COL5A1: variants seen among roughly 807,000 people sequenced by gnomAD.
The protein encoded by COL5A1 is collagen alpha-1(V) chain.
In COL5A1, 16 loss-of-function variants were observed where a neutral mutation model predicts 263.7. The observed-to-expected ratio is 0.06, with a 90% confidence interval of 0.04 to 0.09. The LOEUF (loss-of-function observed/expected upper bound fraction) is 0.09. Ranked by LOEUF, COL5A1 falls within the 10% of genes least tolerant of loss-of-function variation. The pLI is 1.00. For missense variants in COL5A1, 2,036 were observed against 2,540.5 expected, an observed-to-expected ratio of 0.80 and a Z score of 4.27; for synonymous variants, 1,012 against 1,004.5, an observed-to-expected ratio of 1.01 and a Z score of -0.14.
intron 1 of COL5A1, among the ~76,000 whole-genome samples, chr9:134,654,655 C>T (rs1251935573): frequency 2.2e-5 from 2 of 90,070 alleles, no homozygotes; most frequent in Non-Finnish European, 4.3e-5. Context: ...GTGTGTAGGG[C>T]TGGTGTGTGT....
In COL5A1 at chr9:134,660,964, C is replaced by T. The variant is rs566182032; in HGVS notation, c.109+18668C>T. Among the ~76,000 whole-genome samples, 47 of 152,222 alleles carry T rather than the reference C, an allele frequency of 3.1e-4. 1 individual carries two copies. The highest frequency in any genetic ancestry group is 5.9e-5 in the Non-Finnish European group (4 of 68,028). ...AGAATTGCTATGTTTTGAAGTAGCT[C>T]TCTGAAGTGGGGTGGAGAGCAGATG... On this transcript the variant is annotated intron_variant, in intron 1 of 65. Coordinates refer to ENST00000371817, the MANE Select transcript of COL5A1 (RefSeq NM_000093.5).
In COL5A1 at chr9:134,835,309, G is replaced by A. The variant is rs562347655; in HGVS notation, c.5370+105G>A. 2.8e-5 allele frequency: 29 copies of A among 1,037,046 alleles called. No homozygotes were observed. The East Asian group carries it at 7.0e-4, about 25-fold the overall frequency. 64.2% of individuals were successfully genotyped at this position (1,037,046 alleles called of 1,614,324 possible). A position where few individuals can be genotyped will look rare whatever the true frequency, so the allele number is the denominator to read the frequency against. On this transcript the variant is annotated intron_variant, in intron 65 of 65. Transcript: ENST00000371817. ...TCCCCAAGATGCCTGCCAGAGGGCA[G>A]TGAGGGCCCCGGACCAGACTCTCGC... is the stretch of plus-strand genomic sequence containing the variant.
In COL5A1 at chr9:134,842,345, C is replaced by G. The variant is rs374547961; in HGVS notation, c.*42C>G. 1,020 of 1,611,808 alleles carry G rather than the reference C, an allele frequency of 6.3e-4. No individual in the cohort carries two copies. The highest frequency in any genetic ancestry group is 8.1e-4 in the Non-Finnish European group (956 of 1,179,188). ...GCTCCCGAGAGCAACCTCGTGACCT[C>G]AGCATGCCATTCGTTCGTGAGTGTC... On this transcript the variant is annotated 3_prime_UTR_variant, in exon 66 of 66. Transcript: ENST00000371817. The surrounding 1 kb of genome is among the most constrained non-coding windows in gnomAD (Gnocchi z 5.8).
intron 4 of COL5A1, among the ~76,000 whole-genome samples, chr9:134,718,257 GGCC>G: frequency 6.6e-6 from 1 of 152,362 alleles, no homozygotes; most frequent in Middle Eastern, 3.4e-3. Context: ...CGTCGAACGT[GGCC>G]GCCAACTGTG....
intron 64 of COL5A1, among the ~76,000 whole-genome samples, chr9:134,833,764 C>G (rs1839742759): frequency 6.6e-6 from 1 of 152,362 alleles, no homozygotes; most frequent in African/African-American, 2.4e-5. Context: ...CACAGTCTCC[C>G]TGGCCAGGGC....
In COL5A1 at chr9:134,806,090, A is replaced by T. The variant is rs78713145; in HGVS notation, c.3259-99A>T. The T allele has an allele frequency of 8.3e-3, 7,273 of 877,184 alleles. 37 individuals carry two copies. Among genetic ancestry groups the T allele is most frequent in the Middle Eastern group, 0.015 (58 of 3,832 alleles). 54.3% of individuals were successfully genotyped at this position (877,184 alleles called of 1,614,324 possible). ...CATAGGGAGCCACTGTGGGCTCTAGAGTGAGCAGGTAAGTGGAGTGATCAG... is the reference window on the plus strand; with the variant it reads ...CATAGGGAGCCACTGTGGGCTCTAGTGTGAGCAGGTAAGTGGAGTGATCAG... On this transcript the variant is annotated intron_variant, in intron 41 of 65. Coordinates refer to ENST00000371817, the MANE Select transcript of COL5A1 (RefSeq NM_000093.5).
At chr9:134,646,433 G>T (rs1029932415) in intron 1 of COL5A1, among the ~76,000 whole-genome samples, 3 of 152,004 alleles carry the variant, frequency 2.0e-5, no homozygotes, top group African/African-American at 4.8e-5. Context: ...TCCACCTCTG[G>T]CTTTAATCTT....
Position 134,696,164 on chromosome 9 carries a change from A to G in COL5A1, c.278-3745A>G, listed in dbSNP as rs1833455698. On this transcript the variant is annotated intron_variant, in intron 2 of 65. Transcript: ENST00000371817. This position sits in a 1 kb window ranked among gnomAD's most constrained non-coding sequence, Gnocchi z 4.3. ...ACCCTGCCCCACTGCCCCCTGCATT[A>G]TTTGCAATTATTATTATTATTATTA... Among the ~76,000 whole-genome samples, 1 of 151,434 alleles carries G rather than the reference A, an allele frequency of 6.6e-6. No homozygotes were observed. Among genetic ancestry groups the G allele is most frequent in the Non-Finnish European group, 1.5e-5 (1 of 67,906 alleles).
In COL5A1 at chr9:134,655,083, GGTGTGTAGGGCTGGT is replaced by G. The variant is rs531717723; in HGVS notation, c.109+12802_109+12816del. ...AGGGCTGGAGGTGTGTAGGGCTAGG[GGTGTGTAGGGCTGGT>G]GTGTGTAGGGCTGGGGGTGTGTAGG... On this transcript the variant is annotated intron_variant, in intron 1 of 65. Coordinates refer to ENST00000371817, the MANE Select transcript of COL5A1 (RefSeq NM_000093.5). 1.3e-3 allele frequency among the ~76,000 whole-genome samples: 182 copies of G among 138,404 alleles called. 7 individuals carry two copies. In the South Asian group the frequency reaches 0.03, roughly 23 times the overall value. 90.8% of individuals were successfully genotyped at this position (138,404 alleles called of 152,430 possible). A position where few individuals can be genotyped will look rare whatever the true frequency, so the allele number is the denominator to read the frequency against.
intron 63 of COL5A1, among the ~76,000 whole-genome samples, chr9:134,828,249 C>T (rs1355827940): frequency 1.3e-5 from 2 of 152,170 alleles, no homozygotes; most frequent in East Asian, 3.9e-4. Context: ...TGAGGCCTGC[C>T]CTGCTGGGCC....
At chr9:134,687,451 CCAT>C (rs1178725459) in intron 1 of COL5A1, among the ~76,000 whole-genome samples, 1 of 149,594 alleles carries the variant, frequency 6.7e-6, no homozygotes, top group Non-Finnish European at 1.5e-5. Flanking sequence ...ATCCATCCAT[CCAT>C]CCATCATCCA....
At position 134,821,668 on chromosome 9, in the gene COL5A1, C is replaced by A. The variant is rs919638646; in HGVS notation, c.4555-429C>A. Reference sequence around the variant, plus strand: ...GACAGGACAGTCAGCATGGATGGGACTCCCTGCCCAACCCCTCCGGGCTTA... The same window carrying A: ...GACAGGACAGTCAGCATGGATGGGAATCCCTGCCCAACCCCTCCGGGCTTA... On this transcript the variant is annotated intron_variant, in intron 58 of 65. Coordinates refer to ENST00000371817, the MANE Select transcript of COL5A1 (RefSeq NM_000093.5). The surrounding 1 kb of genome is among the most constrained non-coding windows in gnomAD (Gnocchi z 4.2). Among the ~76,000 whole-genome samples the A allele has an allele frequency of 6.6e-6, 1 of 152,212 alleles. No homozygotes were observed. Among genetic ancestry groups the A allele is most frequent in the African/African-American group, 2.4e-5 (1 of 41,454 alleles).
At chr9:134,695,199 C>A (rs1833415269) in intron 2 of COL5A1, among the ~76,000 whole-genome samples, 1 of 152,194 alleles carries the variant, frequency 6.6e-6, no homozygotes, top group Non-Finnish European at 1.5e-5. Context: ...CTGAGATTTG[C>A]CTCCTACTCA....
At chr9:134,685,570 ATCCATCCATCCATCC>A (rs1833032229) in intron 1 of COL5A1, among the ~76,000 whole-genome samples, 1 of 131,664 alleles carries the variant, frequency 7.6e-6, no homozygotes, top group African/African-American at 2.9e-5. Flanking sequence ...CCATCTATTC[ATCCATCCATCCATCC>A]TCCATCCATC....
chr9:134,835,928 G>GC (rs1314698097), intron 65 of COL5A1, among the ~76,000 whole-genome samples: 3 of 152,178 alleles, frequency 2.0e-5, no homozygotes, highest in African/African-American at 7.2e-5. Context: ...GTGCAGCTGT[G>GC]CCCCAAGAGC....
intron 18 of COL5A1, among the ~76,000 whole-genome samples, chr9:134,759,184 C>T (rs1300083751): frequency 6.6e-6 from 1 of 151,798 alleles, no homozygotes; most frequent in Non-Finnish European, 1.5e-5. Context: ...CATACAGGCA[C>T]ATGAGTATGT....
intron 1 of COL5A1, among the ~76,000 whole-genome samples, chr9:134,650,766 C>T (rs774091571): frequency 2.2e-4 from 33 of 152,268 alleles, no homozygotes; most frequent in Non-Finnish European, 4.6e-4. Flanking sequence ...CTTCCTCTGG[C>T]TCTTGTTCAT....
intron 32 of COL5A1, among the ~76,000 whole-genome samples, chr9:134,792,758 CATGTGTGTGTGTGCGTGTGTGTACAT>C (rs935237286): frequency 1.7e-5 from 2 of 121,024 alleles, no homozygotes; most frequent in African/African-American, 7.8e-5. Context: ...TGCATGCGTG[CATGTGTGTGTGTGCGTGTGTGTACAT>C]ATGTGTGTGT....
At chr9:134,800,912 C>T (rs1838091031) in intron 37 of COL5A1, among the ~76,000 whole-genome samples, 1 of 152,224 alleles carries the variant, frequency 6.6e-6, no homozygotes, top group Admixed American at 6.5e-5. Context: ...GGCCAGCCAC[C>T]TTCTCCTCCA....
Sources: gnomAD v4.1 joint callset for allele counts (sites outside exome capture counted in the v4.1 genomes callset) on GRCh38, gnomAD v4.1.1 for gene constraint, Gnocchi (gnomAD v3.1) non-coding constraint, MANE v1.5 for transcripts, NCBI Gene and HGNC (gene_info 2026-07-23, HGNC 2026-07-21) for gene names.